Variants in INPP4B observed in about 807,000 individuals in gnomAD.
The protein encoded by INPP4B is inositol polyphosphate-4-phosphatase type II B, also known as inositol polyphosphate 4-phosphatase type II.
In INPP4B, 55 loss-of-function variants were observed where a neutral mutation model predicts 122.5. The ratio of observed to expected loss-of-function variants is 0.45; its 90% confidence interval spans 0.36 to 0.56. The LOEUF (loss-of-function observed/expected upper bound fraction) is 0.56, where lower values mean the gene tolerates loss of function less well. INPP4B is among the 20% of genes least tolerant of loss of function. The pLI is 0.00. For synonymous variants in INPP4B, 403 were observed against 388.7 expected, an observed-to-expected ratio of 1.04 and a Z score of -0.43; for missense variants, 1,000 against 1,097.7, an observed-to-expected ratio of 0.91 and a Z score of 1.26.
In INPP4B at chr4:142,797,176, C is replaced by T. The variant is rs1325678772; in HGVS notation, c.-254+49033G>A. On this transcript the variant is annotated intron_variant, in intron 1 of 25. Coordinates refer to ENST00000262992, the MANE Select transcript of INPP4B (RefSeq NM_001101669.3). ...TAATCTAATGGAATGTTCCTAGTGT[C>T]CTTATAAAAAAGCAGATAGAGAGCT... Among the ~76,000 whole-genome samples, 7 of 151,834 alleles carry T rather than the reference C, an allele frequency of 4.6e-5. No individual in the cohort carries two copies. In the East Asian group the frequency reaches 1.2e-3, roughly 25 times the overall value.
intron 1 of INPP4B, among the ~76,000 whole-genome samples, chr4:142,768,378 T>G (rs1406302634): frequency 6.6e-6 from 1 of 152,176 alleles, no homozygotes; most frequent in African/African-American, 2.4e-5. Context: ...AACGTATATA[T>G]TGGGTGTAAT....
At chr4:142,090,913 C>T (rs1779228972) in intron 23 of INPP4B, among the ~76,000 whole-genome samples, 1 of 151,908 alleles carries the variant, frequency 6.6e-6, no homozygotes, top group Non-Finnish European at 1.5e-5. Flanking sequence ...ATCACAAAAA[C>T]AATATTGAGC....
intron 2 of INPP4B, among the ~76,000 whole-genome samples, chr4:142,680,956 A>C (rs573305575): frequency 6.6e-6 from 1 of 151,922 alleles, no homozygotes; most frequent in Non-Finnish European, 1.5e-5. Flanking sequence ...GACATTCATG[A>C]AAGTCAGAAA....
intron 1 of INPP4B, among the ~76,000 whole-genome samples, chr4:142,772,279 G>T (rs1021100193): frequency 2.0e-5 from 3 of 152,088 alleles, no homozygotes; most frequent in Non-Finnish European, 4.4e-5. Context: ...TAACTGGGAG[G>T]CCTGTCCTTA....
At chr4:142,719,646 G>GA (rs944605401) in intron 2 of INPP4B, among the ~76,000 whole-genome samples, 1 of 151,402 alleles carries the variant, frequency 6.6e-6, no homozygotes, top group Non-Finnish European at 1.5e-5. Context: ...ATTAATTTCT[G>GA]AAAAAAATGA....
At chr4:142,556,995 C>CT (rs1227213527) in intron 2 of INPP4B, among the ~76,000 whole-genome samples, 1 of 152,078 alleles carries the variant, frequency 6.6e-6, no homozygotes, top group African/African-American at 2.4e-5. Context: ...CTCAAAGCTG[C>CT]CCTGTCGTGA....
At chr4:142,070,536 G>T (rs1026886160) in intron 25 of INPP4B, among the ~76,000 whole-genome samples, 5 of 152,088 alleles carry the variant, frequency 3.3e-5, no homozygotes, top group Non-Finnish European at 5.9e-5. Context: ...AGGAAAAGAG[G>T]AAGTCAAATT....
chr4:142,652,889 G>T (rs1250519880), intron 2 of INPP4B, among the ~76,000 whole-genome samples: 1 of 152,128 alleles, frequency 6.6e-6, no homozygotes, highest in Admixed American at 6.5e-5. Flanking sequence ...AACCAAAAAA[G>T]AGCCTGCATT....
chr4:142,806,692 T>G (rs1778768127), intron 1 of INPP4B, among the ~76,000 whole-genome samples: 1 of 149,386 alleles, frequency 6.7e-6, no homozygotes, highest in East Asian at 2.0e-4. Context: ...TGCAGTGAGC[T>G]GACATCATGC....
chr4:142,582,657 C>T (rs966328784), intron 2 of INPP4B, among the ~76,000 whole-genome samples: 5 of 152,100 alleles, frequency 3.3e-5, no homozygotes, highest in Non-Finnish European at 7.4e-5. Context: ...AAAAACCTTG[C>T]AATAACGAGT....
At chr4:142,527,417 G>A (rs977831464) in intron 2 of INPP4B, among the ~76,000 whole-genome samples, 9 of 151,838 alleles carry the variant, frequency 5.9e-5, no homozygotes, top group Admixed American at 2.0e-4. Flanking sequence ...TAGTTAATAC[G>A]ATGCAGAAAG....
intron 1 of INPP4B, among the ~76,000 whole-genome samples, chr4:142,823,456 G>T (rs955055080): frequency 6.6e-6 from 1 of 152,098 alleles, no homozygotes. Flanking sequence ...AATAGTATCT[G>T]TTCACTCCCA....
intron 7 of INPP4B, among the ~76,000 whole-genome samples, chr4:142,351,891 A>G (rs1019158707): frequency 1.3e-5 from 2 of 152,064 alleles, no homozygotes; most frequent in African/African-American, 4.8e-5. Flanking sequence ...TGCCAAAACA[A>G]TACTTGTGAG....
chr4:142,590,788 T>C (rs1223953741), intron 2 of INPP4B, among the ~76,000 whole-genome samples: 1 of 149,268 alleles, frequency 6.7e-6, no homozygotes, highest in Non-Finnish European at 1.5e-5. Flanking sequence ...GGACACAGTC[T>C]AGTAGCAATG....
intron 9 of INPP4B, among the ~76,000 whole-genome samples, chr4:142,292,302 G>C (rs113261765): frequency 5.9e-5 from 9 of 152,248 alleles, no homozygotes; most frequent in African/African-American, 2.2e-4. Flanking sequence ...TTTCTTCGAT[G>C]TTACAATCAC....
rs1381283819 is a variant in INPP4B at position 142,173,715 on chromosome 4, T to A, written c.1276A>T (p.Thr426Ser). The change falls in exon 16 of 26, where the codon ACC (threonine) becomes TCC (serine). Residue 426 changes from threonine (T) to serine (S), a missense_variant. Physicochemically the swap from Thr to Ser is moderately conservative, Grantham distance 58. Coordinates refer to ENST00000262992, the MANE Select transcript of INPP4B (RefSeq NM_001101669.3). ...GAATTAAGCAGTAGGTCTGCATGGGTTGCTATAAGAGGTTGTAGTTGATTG... is the reference window on the plus strand; with the variant it reads ...GAATTAAGCAGTAGGTCTGCATGGGATGCTATAAGAGGTTGTAGTTGATTG... ...NINQLQPLIATHADLLLNSAS... is the reference protein window; with the variant it reads ...NINQLQPLIASHADLLLNSAS... The A allele has an allele frequency of 6.2e-7, 1 of 1,613,262 alleles. No homozygotes were observed. The highest frequency in any genetic ancestry group is 2.2e-5 in the East Asian group (1 of 44,856).
intron 2 of INPP4B, among the ~76,000 whole-genome samples, chr4:142,547,143 T>TC (rs1326195328): frequency 1.6e-4 from 24 of 151,926 alleles, no homozygotes; most frequent in Admixed American, 2.0e-4. Context: ...TTTTTTTTTT[T>TC]TACTTTCCCA....
intron 1 of INPP4B, among the ~76,000 whole-genome samples, chr4:142,788,447 G>T (rs1453412709): frequency 6.6e-6 from 1 of 152,042 alleles, no homozygotes; most frequent in Non-Finnish European, 1.5e-5. Flanking sequence ...AGATATTAGA[G>T]AAACTAGAAA....
chr4:142,173,410 T>G (rs748329474), intron 16 of INPP4B, among the ~76,000 whole-genome samples: 11 of 150,914 alleles, frequency 7.3e-5, no homozygotes, highest in Non-Finnish European at 1.3e-4. Flanking sequence ...AATAACAGGT[T>G]TCATTTCCTA....
Sources: allele counts gnomAD v4.1 joint callset (sites outside exome capture counted in the v4.1 genomes callset), GRCh38; gene constraint gnomAD v4.1.1; transcripts MANE v1.5; gene names NCBI Gene and HGNC (gene_info 2026-07-23, HGNC 2026-07-21).